FOXP1: variants seen among roughly 807,000 people sequenced by gnomAD.
FOXP1 encodes forkhead box protein P1.
In FOXP1, 15 loss-of-function variants were observed where a neutral mutation model predicts 98.2. That is an observed-to-expected ratio of 0.15 (90% CI 0.10 to 0.24). The LOEUF (loss-of-function observed/expected upper bound fraction) is 0.24. Ranked by LOEUF, FOXP1 falls within the 10% of genes least tolerant of loss-of-function variation. The pLI, the probability that FOXP1 is intolerant of heterozygous loss-of-function variation, is 1.00. For missense variants in FOXP1, 633 were observed against 848.5 expected (o/e 0.75, Z 3.15); for synonymous variants, 371 against 314.5 (o/e 1.18, Z -1.90).
intron 20 of FOXP1, among the ~76,000 whole-genome samples, chr3:70,964,085 G>T (rs1359360574): frequency 6.6e-6 from 1 of 152,198 alleles, no homozygotes; most frequent in South Asian, 2.1e-4. Context: ...GTCAAAAAGA[G>T]TAACAGTCTA....
chr3:70,980,008 G>A (rs1434247279), intron 14 of FOXP1, among the ~76,000 whole-genome samples: 5 of 152,144 alleles, frequency 3.3e-5, no homozygotes, highest in Non-Finnish European at 5.9e-5. Context: ...GACAATGCCT[G>A]CGAAGAGCAA....
chr3:71,580,825 T>C (rs1346025648), intron 2 of FOXP1: 4 of 985,390 alleles, frequency 4.1e-6, no homozygotes, highest in East Asian at 2.3e-4. Flanking sequence ...CAACCAATGG[T>C]GAAGTGTAGA....
Position 71,133,008 on chromosome 3 carries a change from T to C in FOXP1, c.181-20371A>G, listed in dbSNP as rs1454396235. Among the ~76,000 whole-genome samples, 5 of 150,260 alleles carry C rather than the reference T, an allele frequency of 3.3e-5. No individual in the cohort carries two copies. The East Asian group carries it at 9.7e-4, about 29-fold the overall frequency. On this transcript the variant is annotated intron_variant, in intron 6 of 20. Coordinates refer to ENST00000649528, the MANE Select transcript of FOXP1 (RefSeq NM_001349338.3). ...AAAAAAAAAAAGCAAGCAAACATAG[T>C]TGCTTTCAACACTTACTCCAAACAT...
At chr3:71,286,445 A>G (rs1352829057) in intron 5 of FOXP1, among the ~76,000 whole-genome samples, 1 of 152,162 alleles carries the variant, frequency 6.6e-6, no homozygotes, top group Non-Finnish European at 1.5e-5. Flanking sequence ...CTTAAATTTC[A>G]TACTCTAAAA....
chr3:71,357,949 G>A (rs1279151915), intron 4 of FOXP1, among the ~76,000 whole-genome samples: 1 of 151,718 alleles, frequency 6.6e-6, no homozygotes, highest in Non-Finnish European at 1.5e-5. Flanking sequence ...AATTTTCTCT[G>A]AGGGAAAAAA....
chr3:71,206,912 G>C (rs1380248688), intron 5 of FOXP1, among the ~76,000 whole-genome samples: 1 of 152,188 alleles, frequency 6.6e-6, no homozygotes, highest in Non-Finnish European at 1.5e-5. Flanking sequence ...TTAGAAAGAA[G>C]CCGCTCTAGG....
chr3:71,034,800 A>C (rs927660656), intron 11 of FOXP1, among the ~76,000 whole-genome samples: 6 of 152,156 alleles, frequency 3.9e-5, no homozygotes, highest in Non-Finnish European at 7.3e-5. Flanking sequence ...TCCTAAGGAA[A>C]GGAAGCAAAT....
At chr3:71,382,065 G>C (rs910116638) in intron 3 of FOXP1, among the ~76,000 whole-genome samples, 3 of 152,092 alleles carry the variant, frequency 2.0e-5, no homozygotes, top group African/African-American at 7.2e-5. Context: ...TGAGTCCAAG[G>C]CTTCAAGACC....
intron 3 of FOXP1, among the ~76,000 whole-genome samples, chr3:71,371,224 T>G (rs2079291785): frequency 6.6e-6 from 1 of 152,228 alleles, no homozygotes; most frequent in African/African-American, 2.4e-5. Context: ...AGCACTGTGC[T>G]TCCACCCTTG....
chr3:71,038,309 G>A (rs140768368), intron 11 of FOXP1, among the ~76,000 whole-genome samples: 2 of 152,318 alleles, frequency 1.3e-5, no homozygotes, highest in Admixed American at 6.5e-5. Context: ...GCTAACCCAC[G>A]ATCAAGGTCA....
At position 71,581,538 on chromosome 3, in the gene FOXP1, C is replaced by T. The variant is rs2048171275; in HGVS notation, c.-298+11G>A. 2 of 985,450 alleles carry T rather than the reference C, an allele frequency of 2.0e-6. No homozygotes were observed. Among genetic ancestry groups the T allele is most frequent in the Non-Finnish European group, 2.4e-6 (2 of 829,956 alleles). The allele number at this position is 985,450 out of a possible 1,614,324, so 61.0% of individuals were successfully genotyped here. A position where few individuals can be genotyped will look rare whatever the true frequency, so the allele number is the denominator to read the frequency against. Reference sequence around the variant, plus strand: ...TCCCTGGACCCCGCGCCCGCGGCCGCCTCGACTTACCCGCGGAGTCCGGGG... The same window carrying T: ...TCCCTGGACCCCGCGCCCGCGGCCGTCTCGACTTACCCGCGGAGTCCGGGG... On this transcript the variant is annotated intron_variant, in intron 2 of 20. Transcript: ENST00000649528.
chr3:71,127,678 G>A (rs1447185978), intron 6 of FOXP1, among the ~76,000 whole-genome samples: 2 of 152,202 alleles, frequency 1.3e-5, no homozygotes, highest in Non-Finnish European at 2.9e-5. Context: ...TCTAGCCTGA[G>A]CATTAAATAC....
At chr3:71,296,087 A>G (rs1394089803) in intron 5 of FOXP1, 1 of 152,264 alleles carries the variant, frequency 6.6e-6, no homozygotes, top group African/African-American at 2.4e-5. Context: ...TCTTCAGACC[A>G]TAGAATCCAA....
chr3:71,337,563 AT>A (rs1156486149), intron 4 of FOXP1, among the ~76,000 whole-genome samples: 1 of 152,222 alleles, frequency 6.6e-6, no homozygotes, highest in African/African-American at 2.4e-5. Flanking sequence ...TACATATATT[AT>A]CTCAAATATA....
rs549528765 is a variant in FOXP1, at chr3:71,378,707, T to C, written c.-167-19463A>G. ...TTATTTTAAATAAATTAAATATATATAATTGTTTTATTGTTTATAAATATA... is the reference window on the plus strand; with the variant it reads ...TTATTTTAAATAAATTAAATATATACAATTGTTTTATTGTTTATAAATATA... On this transcript the variant is annotated intron_variant, in intron 3 of 20. Coordinates refer to ENST00000649528, the MANE Select transcript of FOXP1 (RefSeq NM_001349338.3). Among the ~76,000 whole-genome samples, 13 of 151,622 alleles carry C rather than the reference T, an allele frequency of 8.6e-5. No individual in the cohort carries two copies. The South Asian group carries it at 2.1e-3, about 24-fold the overall frequency.
chr3:70,968,949 G>C (rs1225273494), intron 19 of FOXP1: 1 of 152,096 alleles, frequency 6.6e-6, no homozygotes, highest in Non-Finnish European at 1.5e-5. Flanking sequence ...TATTCCCCTT[G>C]CCTCATTATG....
chr3:71,217,783 G>C (rs529402060), intron 5 of FOXP1, among the ~76,000 whole-genome samples: 1 of 152,178 alleles, frequency 6.6e-6, no homozygotes, highest in Non-Finnish European at 1.5e-5. Flanking sequence ...CCAAAGCAGA[G>C]AGAATGAGGG....
At chr3:71,477,773 A>G (rs1279715159) in intron 3 of FOXP1, among the ~76,000 whole-genome samples, 1 of 152,234 alleles carries the variant, frequency 6.6e-6, no homozygotes, top group Non-Finnish European at 1.5e-5. Context: ...ATGGAAAAGA[A>G]TATTACAAGG....
At chr3:71,016,997 G>A (rs962132046) in intron 11 of FOXP1, among the ~76,000 whole-genome samples, 1 of 151,240 alleles carries the variant, frequency 6.6e-6, no homozygotes, top group African/African-American at 2.4e-5. Flanking sequence ...ACAGAAAATA[G>A]GTCTTAGAAT....
Sources: gnomAD v4.1 joint callset for allele counts (sites outside exome capture counted in the v4.1 genomes callset) on GRCh38, gnomAD v4.1.1 for gene constraint, MANE v1.5 for transcripts, NCBI Gene and HGNC (gene_info 2026-07-23, HGNC 2026-07-21) for gene names.